The following COL4A6 variants were observed in gnomAD, a reference collection of about 807,000 sequenced individuals.
The protein encoded by COL4A6 is collagen type IV alpha 6 chain, also known as collagen alpha-6(IV) chain.
In COL4A6, 59 loss-of-function variants were observed where a neutral mutation model predicts 126.7. That is an observed-to-expected ratio of 0.47 (90% CI 0.38 to 0.58). The LOEUF is 0.58. Among genes scored for constraint, COL4A6 ranks in the 20% least tolerant of loss-of-function variants. The pLI is 0.00. For synonymous variants in COL4A6, 547 were observed against 496.6 expected (o/e 1.10, Z -1.35); for missense variants, 1,285 against 1,337.3 (o/e 0.96, Z 0.61).
chrX:108,278,031 A>C (rs1046253006), intron 3 of COL4A6, among the ~76,000 whole-genome samples: 3 of 111,795 alleles, frequency 2.7e-5, no homozygotes, highest in Non-Finnish European at 1.9e-5. Flanking sequence ...ATAAAACCAC[A>C]AAGATGGGGA....
At chrX:108,339,486 G>GCCTCAC (rs1287718736) in intron 2 of COL4A6, among the ~76,000 whole-genome samples, 1 of 110,928 alleles carries the variant, frequency 9.0e-6, no homozygotes, top group Admixed American at 9.6e-5. Flanking sequence ...CCCAGTTCAG[G>GCCTCAC]CCTCACCCTC....
At chrX:108,199,031 G>A (rs1467916573) in intron 13 of COL4A6, among the ~76,000 whole-genome samples, 1 of 111,290 alleles carries the variant, frequency 9.0e-6, no homozygotes, top group Non-Finnish European at 1.9e-5. Flanking sequence ...GGAGACAATG[G>A]GATAAAATGT....
chrX:108,361,156 A>T (rs1021954834), intron 2 of COL4A6, among the ~76,000 whole-genome samples: 3 of 111,451 alleles, frequency 2.7e-5, no homozygotes, highest in African/African-American at 6.5e-5. Context: ...TTCTGTTTTC[A>T]AGGATTTTTT....
In COL4A6 at chrX:108,174,640, G is replaced by T; in HGVS notation, c.2957-19C>A. The T allele has an allele frequency of 8.8e-7, 1 of 1,139,751 alleles. No homozygotes were observed. 93.9% of individuals were successfully genotyped at this position (1,139,751 alleles called of 1,213,427 possible). On this transcript the variant is annotated intron_variant, in intron 30 of 44. Coordinates refer to ENST00000334504, the MANE Select transcript of COL4A6 (RefSeq NM_033641.4). ...TTGTCACCTGTAAAAGAAATAAAAA[G>T]ACTTGGAAAAAGACACTGGGCAAGA...
intron 2 of COL4A6, among the ~76,000 whole-genome samples, chrX:108,362,801 C>T (rs1373138472): frequency 9.0e-6 from 1 of 111,608 alleles, no homozygotes; most frequent in Non-Finnish European, 1.9e-5. Context: ...TTAAACACAG[C>T]TAACCTGTCC....
chrX:108,365,056 C>G (rs963463183), intron 2 of COL4A6, among the ~76,000 whole-genome samples: 1 of 111,541 alleles, frequency 9.0e-6, no homozygotes, highest in Non-Finnish European at 1.9e-5. Context: ...TGCGCATGCT[C>G]TTCCCTCTGT....
chrX:108,327,240 G>A (rs992014244), intron 2 of COL4A6, among the ~76,000 whole-genome samples: 2 of 110,169 alleles, frequency 1.8e-5, no homozygotes, highest in Admixed American at 9.6e-5. Flanking sequence ...TAGGTTGCAC[G>A]CTCCTTTTGA....
chrX:108,371,225 A>G (rs2040316220), intron 2 of COL4A6, among the ~76,000 whole-genome samples: 1 of 110,374 alleles, frequency 9.1e-6, no homozygotes. Context: ...AATATAGAAA[A>G]GCATCAAAAA....
intron 2 of COL4A6, among the ~76,000 whole-genome samples, chrX:108,363,448 G>T (rs1569443631): frequency 8.9e-6 from 1 of 111,848 alleles, no homozygotes; most frequent in East Asian, 2.8e-4. Flanking sequence ...AAATAGGAAA[G>T]CAGGTTATAA....
At chrX:108,247,844 C>G (rs1463566428) in intron 3 of COL4A6, among the ~76,000 whole-genome samples, 2 of 111,831 alleles carry the variant, frequency 1.8e-5, no homozygotes, top group Non-Finnish European at 3.8e-5. Context: ...CTAAGCTACT[C>G]AAAAGCCTTC....
intron 3 of COL4A6, among the ~76,000 whole-genome samples, chrX:108,297,062 G>A (rs1430369276): frequency 8.9e-6 from 1 of 111,953 alleles, no homozygotes; most frequent in Non-Finnish European, 1.9e-5. Flanking sequence ...ATTAGAATAG[G>A]TTCAAGAGAG....
chrX:108,358,751 A>T (rs182849301), intron 2 of COL4A6, among the ~76,000 whole-genome samples: 31 of 111,814 alleles, frequency 2.8e-4, no homozygotes, highest in African/African-American at 9.7e-4. Context: ...ATATAACTGA[A>T]TTTTTTTTAA....
chrX:108,383,001 T>TAATAATAATAATAAA (rs1556300855), intron 2 of COL4A6, among the ~76,000 whole-genome samples: 3 of 103,950 alleles, frequency 2.9e-5, no homozygotes, highest in African/African-American at 1.0e-4. Context: ...ATAATAATAA[T>TAATAATAATAATAAA]AAACCCTTTT....
At chrX:108,417,491 C>A (rs2041456825) in intron 2 of COL4A6, among the ~76,000 whole-genome samples, 2 of 111,677 alleles carry the variant, frequency 1.8e-5, no homozygotes, top group African/African-American at 6.5e-5. Flanking sequence ...AAACTGAAAG[C>A]ATTAGTAAGT....
At chrX:108,175,047 G>A in intron 30 of COL4A6, 43 bp downstream of exon 30, 1 of 1,134,063 alleles carries the variant, frequency 8.8e-7, no homozygotes, top group Non-Finnish European at 1.2e-6. Flanking sequence ...TGGTTATGAA[G>A]CCTCTCTTGA....
intron 11 of COL4A6, 97 bp from the exon 12 acceptor site, chrX:108,204,509 T>C (rs1023666456): frequency 2.6e-6 from 2 of 758,369 alleles, no homozygotes; most frequent in African/African-American, 2.1e-5. Context: ...ACAAATAAAC[T>C]GTCTCTTACT....
chrX:108,292,993 CAAAA>C (rs149076547), intron 3 of COL4A6, among the ~76,000 whole-genome samples: 242 of 14,553 alleles, frequency 0.017, 2 homozygotes, highest in African/African-American at 0.045. Flanking sequence ...AGGAAAAAAG[CAAAA>C]AAAAAAAAAA....
At chrX:108,438,583 T>A (rs2064318396), upstream of COL4A6, 2 of 330,028 alleles carry the variant, frequency 6.1e-6, no homozygotes, top group Non-Finnish European at 8.0e-6. Flanking sequence ...CACAGCCCCT[T>A]AGAGACCTAT....
intron 2 of COL4A6, among the ~76,000 whole-genome samples, chrX:108,318,175 C>A (rs1457553810): frequency 7.2e-5 from 8 of 111,249 alleles, no homozygotes; most frequent in East Asian, 2.8e-4. Flanking sequence ...ATTCAACAAC[C>A]CTTCATGCTA....
Sources: allele counts gnomAD v4.1 joint callset (sites outside exome capture counted in the v4.1 genomes callset), GRCh38; gene constraint gnomAD v4.1.1; transcripts MANE v1.5; gene names NCBI Gene and HGNC (gene_info 2026-07-23, HGNC 2026-07-21).